The following TMEM131 variants were observed in gnomAD, a reference collection of about 807,000 sequenced individuals.
TMEM131 encodes the protein transmembrane protein 131.
In TMEM131, 66 loss-of-function variants were observed where a neutral mutation model predicts 211.6. The ratio of observed to expected loss-of-function variants is 0.31; its 90% CI spans 0.26 to 0.38. TMEM131 has a LOEUF of 0.38. TMEM131 is among the 10% of genes least tolerant of loss of function. The probability of loss-of-function intolerance (pLI) is 1.00; values close to 1 mark genes in which losing one functional copy is unlikely to be tolerated. For synonymous variants in TMEM131, 844 were observed against 841.3 expected (o/e 1.00, Z -0.06); for missense variants, 2,036 against 2,299.3 (o/e 0.89, Z 2.34).
intron 2 of TMEM131, among the ~76,000 whole-genome samples, chr2:97,913,803 C>T (rs72942898): frequency 0.025 from 3,752 of 152,240 alleles, 165 homozygotes; most frequent in African/African-American, 0.087. Flanking sequence ...ATGGTACAGG[C>T]AGCACATGCA....
intron 2 of TMEM131, among the ~76,000 whole-genome samples, chr2:97,908,961 T>C (rs1206087611): frequency 6.6e-6 from 1 of 152,178 alleles, no homozygotes; most frequent in Non-Finnish European, 1.5e-5. Context: ...GACAATCACT[T>C]TGTGAGGCTG....
chr2:97,770,594 T>A (rs1679422741), intron 33 of TMEM131, among the ~76,000 whole-genome samples: 1 of 152,220 alleles, frequency 6.6e-6, no homozygotes, highest in Non-Finnish European at 1.5e-5. Context: ...CGTCTTTGAC[T>A]AACTTTTCAA....
intron 1 of TMEM131, among the ~76,000 whole-genome samples, chr2:97,967,106 G>C (rs1431495419): frequency 6.6e-6 from 1 of 152,084 alleles, no homozygotes; most frequent in Non-Finnish European, 1.5e-5. Flanking sequence ...GTATTGTTTT[G>C]ACTCACCATA....
intron 1 of TMEM131, among the ~76,000 whole-genome samples, chr2:97,993,215 TCTTAA>T (rs1402265996): frequency 6.6e-6 from 1 of 152,178 alleles, no homozygotes; most frequent in Non-Finnish European, 1.5e-5. Context: ...TGCAGGTAAA[TCTTAA>T]CTTTGAAATT....
intron 19 of TMEM131, among the ~76,000 whole-genome samples, chr2:97,808,033 T>G (rs560597840): frequency 6.6e-6 from 1 of 152,330 alleles, no homozygotes. Context: ...ATTTTTTTTT[T>G]GGAATATTTA....
intron 3 of TMEM131, among the ~76,000 whole-genome samples, chr2:97,889,854 G>C (rs552593356): frequency 4.2e-4 from 64 of 152,174 alleles, no homozygotes; most frequent in African/African-American, 1.5e-3. Flanking sequence ...ATAAAGAAAA[G>C]CACCTGCTCT....
chr2:97,911,677 G>A, intron 2 of TMEM131: 1 of 984,784 alleles, frequency 1.0e-6, no homozygotes, highest in Non-Finnish European at 1.2e-6. Flanking sequence ...AGGATCTGTG[G>A]AAATAAAGTT....
At chr2:97,837,052 A>G in intron 8 of TMEM131, 25 bp downstream of exon 8, 1 of 1,601,134 alleles carries the variant, frequency 6.2e-7, no homozygotes, top group East Asian at 2.2e-5. Context: ...GAGCACACAC[A>G]AGAGAAAACT....
rs1424649809 is a variant in TMEM131 at position 97,976,409 on chromosome 2, AT to A, written c.187+19066del. 2.0e-5 allele frequency among the ~76,000 whole-genome samples: 3 copies of A among 152,340 alleles called. No individual in the cohort carries two copies. The East Asian group carries it at 5.8e-4, about 29-fold the overall frequency. On this transcript the variant is annotated intron_variant, in intron 1 of 40. Coordinates refer to ENST00000186436, the MANE Select transcript of TMEM131 (RefSeq NM_015348.2). Reference sequence around the variant, plus strand: ...AACCAGAAATTGAGATTTTAAAAAAATATCATTTATTAATAAACTAGTATCA... The same window carrying A: ...AACCAGAAATTGAGATTTTAAAAAAAATCATTTATTAATAAACTAGTATCA...
chr2:97,973,957 G>A (rs566176383), intron 1 of TMEM131, among the ~76,000 whole-genome samples: 7 of 152,244 alleles, frequency 4.6e-5, no homozygotes, highest in East Asian at 3.9e-4. Flanking sequence ...ACCCAACAAC[G>A]TAAAATTTGC....
chr2:97,967,910 G>A (rs1679128361), intron 1 of TMEM131, among the ~76,000 whole-genome samples: 2 of 150,968 alleles, frequency 1.3e-5, no homozygotes, highest in Admixed American at 6.6e-5. Flanking sequence ...TTTTTGGAGA[G>A]GTTTTTTAAG....
chr2:97,854,070 A>G (rs1673741467), intron 5 of TMEM131, among the ~76,000 whole-genome samples: 1 of 152,222 alleles, frequency 6.6e-6, no homozygotes, highest in Non-Finnish European at 1.5e-5. Flanking sequence ...TTGTGAAAAG[A>G]AGAATCAATG....
chr2:97,768,034 A>G (rs964623933), intron 33 of TMEM131, among the ~76,000 whole-genome samples: 10 of 151,550 alleles, frequency 6.6e-5, no homozygotes, highest in Admixed American at 6.6e-5. Context: ...GCTATTTACA[A>G]ACATTTTATA....
chr2:97,813,698 T>C (rs570797939), intron 15 of TMEM131, among the ~76,000 whole-genome samples: 2 of 152,316 alleles, frequency 1.3e-5, no homozygotes, highest in South Asian at 4.1e-4. Context: ...TCCCCATTAT[T>C]ACAATAGTTT....
chr2:97,885,437 G>A (rs1015058628), intron 4 of TMEM131, among the ~76,000 whole-genome samples: 264 of 55,760 alleles, frequency 4.7e-3, no homozygotes, highest in Non-Finnish European at 8.2e-3. Context: ...CTTGTGATCC[G>A]CCCGCCTCCC....
chr2:97,916,102 G>A (rs1252163224), intron 2 of TMEM131, among the ~76,000 whole-genome samples: 1 of 151,980 alleles, frequency 6.6e-6, no homozygotes, highest in African/African-American at 2.4e-5. Context: ...TTTTAGTAGA[G>A]ATGGAGTTTC....
At chr2:97,781,637 A>G (rs1165017836) in intron 31 of TMEM131, among the ~76,000 whole-genome samples, 1 of 152,230 alleles carries the variant, frequency 6.6e-6, no homozygotes, top group Non-Finnish European at 1.5e-5. Context: ...AAGATGGAGT[A>G]GATCTTTTCC....
Position 97,815,251 on chromosome 2 carries a change from C to T in TMEM131, c.1240G>A (p.Glu414Lys). The T allele has an allele frequency of 1.9e-6, 3 of 1,575,122 alleles. No homozygotes were observed. The highest frequency in any genetic ancestry group is 2.6e-6 in the Non-Finnish European group (3 of 1,169,702). The change falls in exon 13 of 41, where the codon GAA becomes AAA. Residue 414 changes from glutamate to lysine, a missense_variant. Physicochemically the swap from Glu to Lys is moderately conservative, Grantham distance 56 (BLOSUM62 1). This residue lies in a region of TMEM131 where 1,623 missense variants were observed against 1,805.9 expected (regional missense o/e 0.90). Coordinates refer to ENST00000186436, the MANE Select transcript of TMEM131 (RefSeq NM_015348.2). Reference sequence around the variant, plus strand: ...ATTTCAAGTTTAGAATAACTCTTTTCCTTTGCTTTAACTGTTATTTTCCCA... The same window carrying T: ...ATTTCAAGTTTAGAATAACTCTTTTTCTTTGCTTTAACTGTTATTTTCCCA... Reference protein sequence around the residue: ...FSGKITVKAKEKSYSKLEIPY... With the variant: ...FSGKITVKAKKKSYSKLEIPY...
At position 97,975,162 on chromosome 2, in the gene TMEM131, C is replaced by T. The variant is rs1012868891; in HGVS notation, c.187+20314G>A. On this transcript the variant is annotated intron_variant, in intron 1 of 40. Transcript: ENST00000186436. ...TAACAAAAAGATCTTTGATAAATAC[C>T]CAAAGACCTCAAATCAAAAACCTCA... Among the ~76,000 whole-genome samples, 23 of 151,456 alleles carry T rather than the reference C, an allele frequency of 1.5e-4. No individual in the cohort carries two copies. In the East Asian group the frequency reaches 4.4e-3, roughly 29 times the overall value.
Sources: allele counts gnomAD v4.1 joint callset (sites outside exome capture counted in the v4.1 genomes callset), GRCh38; gene constraint gnomAD v4.1.1; regional missense constraint gnomAD v4.1.1; transcripts MANE v1.5; gene names NCBI Gene and HGNC (gene_info 2026-07-23, HGNC 2026-07-21).